DLG2: variants seen among roughly 807,000 people sequenced by gnomAD.
DLG2 encodes the protein disks large homolog 2.
Under a neutral mutation model 132.5 loss-of-function variants are expected in DLG2, and 45 were observed. That is an observed-to-expected ratio of 0.34 (90% CI 0.27 to 0.44). DLG2 has a LOEUF of 0.44. Among genes scored for constraint, DLG2 ranks in the 20% least tolerant of loss-of-function variants. The pLI is 1.00. For synonymous variants in DLG2, 424 were observed against 419.6 expected (o/e 1.01, Z -0.13); for missense variants, 1,045 against 1,196.9 (o/e 0.87, Z 1.87).
chr11:85,269,510 G>A (rs1039689196), intron 4 of DLG2, among the ~76,000 whole-genome samples: 1 of 152,212 alleles, frequency 6.6e-6, no homozygotes, highest in African/African-American at 2.4e-5. Flanking sequence ...AGATAACTGA[G>A]TTGGAGTTCT....
intron 6 of DLG2, among the ~76,000 whole-genome samples, chr11:84,903,108 C>A (rs1239930501): frequency 6.6e-6 from 1 of 152,106 alleles, no homozygotes; most frequent in Non-Finnish European, 1.5e-5. Context: ...CCTAAAAGCA[C>A]AAATCTGGTC....
chr11:85,420,387 T>C (rs556325191), intron 3 of DLG2, among the ~76,000 whole-genome samples: 1 of 152,158 alleles, frequency 6.6e-6, no homozygotes, highest in Middle Eastern at 3.4e-3. Context: ...CTGGGAGGTG[T>C]CTCCCAGTTA....
chr11:85,342,996 T>C (rs952887030), intron 3 of DLG2, among the ~76,000 whole-genome samples: 10 of 152,182 alleles, frequency 6.6e-5, no homozygotes, highest in Non-Finnish European at 1.3e-4. Flanking sequence ...CTCTAAAAAG[T>C]AGTTCTCCCT....
At chr11:84,299,007 T>C (rs1483822963) in intron 7 of DLG2, among the ~76,000 whole-genome samples, 1 of 152,204 alleles carries the variant, frequency 6.6e-6, no homozygotes, top group Non-Finnish European at 1.5e-5. Context: ...GAGATGTTCA[T>C]AAATAAACGT....
chr11:84,595,927 G>A (rs1287192617), intron 6 of DLG2, among the ~76,000 whole-genome samples: 3 of 152,028 alleles, frequency 2.0e-5, no homozygotes, highest in African/African-American at 4.8e-5. Flanking sequence ...ACAGCATAGA[G>A]AAACCAACAA....
chr11:85,558,800 AG>A (rs1469414096), intron 3 of DLG2, among the ~76,000 whole-genome samples: 1 of 151,824 alleles, frequency 6.6e-6, no homozygotes, highest in Non-Finnish European at 1.5e-5. Context: ...TGAGGAGGTA[AG>A]GAGTCGGGCA....
At chr11:84,230,425 T>C (rs1275348569) in intron 8 of DLG2, among the ~76,000 whole-genome samples, 2 of 152,216 alleles carry the variant, frequency 1.3e-5, no homozygotes, top group Non-Finnish European at 2.9e-5. Flanking sequence ...CGCATGATAT[T>C]TGTTATGCCA....
At chr11:85,472,690 T>A (rs867188016) in intron 3 of DLG2, among the ~76,000 whole-genome samples, 2 of 152,226 alleles carry the variant, frequency 1.3e-5, no homozygotes, top group South Asian at 2.1e-4. Context: ...GAAAAGAATC[T>A]GGGACCCGCC....
intron 6 of DLG2, among the ~76,000 whole-genome samples, chr11:84,954,520 T>C (rs1236586519): frequency 6.6e-6 from 1 of 152,202 alleles, no homozygotes; most frequent in Non-Finnish European, 1.5e-5. Context: ...GTTAGCAGCC[T>C]ATTACACACT....
At chr11:84,251,037 T>C (rs968271073) in intron 8 of DLG2, among the ~76,000 whole-genome samples, 1 of 152,146 alleles carries the variant, frequency 6.6e-6, no homozygotes, top group Non-Finnish European at 1.5e-5. Flanking sequence ...GCCCTTGTGT[T>C]TTACAAAACA....
chr11:83,706,504 A>T (rs952746182), intron 18 of DLG2, among the ~76,000 whole-genome samples: 1 of 152,192 alleles, frequency 6.6e-6, no homozygotes, highest in African/African-American at 2.4e-5. Context: ...ATCCCCAGGA[A>T]AGCAGAGCTT....
chr11:84,579,060 C>T (rs558326921), intron 6 of DLG2, among the ~76,000 whole-genome samples: 12 of 152,200 alleles, frequency 7.9e-5, no homozygotes, highest in East Asian at 3.9e-4. Flanking sequence ...TTTTGCCTCC[C>T]GCCATGATTC....
intron 7 of DLG2, among the ~76,000 whole-genome samples, chr11:84,349,836 A>AT (rs1194724554): frequency 1.8e-4 from 22 of 120,120 alleles, no homozygotes; most frequent in African/African-American, 1.3e-3. Context: ...TCTGCCTCTA[A>AT]AATATATATA....
rs543061932 is a variant in DLG2, at chr11:84,922,721, A to C, written c.357+188940T>G. On this transcript the variant is annotated intron_variant, in intron 6 of 27. Transcript: ENST00000376104. ...CAGGAAGCTCACAGCACTTTTTAAA[A>C]GAAAGACAAAATCATAATTCAAAGC... Among the ~76,000 whole-genome samples the C allele has an allele frequency of 1.9e-3, 285 of 152,324 alleles. 1 individual carries two copies. Among genetic ancestry groups the C allele is most frequent in the Admixed American group, 2.5e-3 (39 of 15,300 alleles).
intron 3 of DLG2, among the ~76,000 whole-genome samples, chr11:85,596,643 A>G (rs1297158279): frequency 6.6e-6 from 1 of 151,980 alleles, no homozygotes; most frequent in African/African-American, 2.4e-5. Context: ...TTGTAACAGG[A>G]AAAAAAAGGG....
At chr11:85,501,248 C>T (rs1056058139) in intron 3 of DLG2, among the ~76,000 whole-genome samples, 3 of 152,140 alleles carry the variant, frequency 2.0e-5, no homozygotes, top group South Asian at 2.1e-4. Context: ...CCCTTCCTTA[C>T]ACCTTATACA....
intron 3 of DLG2, among the ~76,000 whole-genome samples, chr11:85,500,607 A>C (rs2093779451): frequency 6.6e-6 from 1 of 151,984 alleles, no homozygotes; most frequent in South Asian, 2.1e-4. Flanking sequence ...GTAAAATCAC[A>C]AGCATTCCTC....
intron 4 of DLG2, among the ~76,000 whole-genome samples, chr11:85,225,404 C>T (rs2074914718): frequency 6.6e-6 from 1 of 151,984 alleles, no homozygotes; most frequent in Non-Finnish European, 1.5e-5. Flanking sequence ...AAACCACAAA[C>T]TTCCCGATCT....
chr11:85,617,018 C>T (rs2081383948), intron 2 of DLG2, among the ~76,000 whole-genome samples: 1 of 152,168 alleles, frequency 6.6e-6, no homozygotes. Context: ...CCCACCTTAA[C>T]CCCAGGGAAG....
Sources: gnomAD v4.1 joint callset for allele counts (sites outside exome capture counted in the v4.1 genomes callset) on GRCh38, gnomAD v4.1.1 for gene constraint, MANE v1.5 for transcripts, NCBI Gene and HGNC (gene_info 2026-07-23, HGNC 2026-07-21) for gene names.